The following NAV2 variants were observed in gnomAD, a reference collection of about 807,000 sequenced individuals.
NAV2 encodes helicase, APC down-regulated 1.
A neutral mutation model predicts 223.2 loss-of-function variants in NAV2; 54 were observed. The observed-to-expected ratio is 0.24, with a 90% CI of 0.19 to 0.30. NAV2 has a LOEUF of 0.30. Among genes scored for constraint, NAV2 ranks in the 10% least tolerant of loss-of-function variants. NAV2 has a pLI of 1.00. For synonymous variants in NAV2, 1,279 were observed against 1,239.3 expected (o/e 1.03, Z -0.67); for missense variants, 2,806 against 3,147.5 (o/e 0.89, Z 2.60).
At chr11:20,027,165 C>T in intron 11 of NAV2, 6 of 676,286 alleles carry the variant, frequency 8.9e-6, no homozygotes, top group Non-Finnish European at 9.1e-6. Flanking sequence ...GAGAAAACCT[C>T]CTGGGGAGGA....
intron 1 of NAV2, among the ~76,000 whole-genome samples, chr11:19,831,371 C>T (rs1162747292): frequency 1.3e-5 from 2 of 151,944 alleles, no homozygotes; most frequent in African/African-American, 2.4e-5. Context: ...AGCAGGCCTA[C>T]TGGTTGAGGT....
At chr11:19,563,874 G>A (rs1036289188) in intron 1 of NAV2, among the ~76,000 whole-genome samples, 19 of 152,162 alleles carry the variant, frequency 1.2e-4, no homozygotes, top group South Asian at 6.2e-4. Flanking sequence ...GTTAAGGGAG[G>A]TAAAGCAGGA....
intron 4 of NAV2, among the ~76,000 whole-genome samples, chr11:19,875,062 C>T (rs992248243): frequency 6.6e-6 from 1 of 152,182 alleles, no homozygotes; most frequent in African/African-American, 2.4e-5. Flanking sequence ...GAGGCTGACT[C>T]AGGAGAATCA....
At chr11:19,487,613 T>C (rs1014834290) in intron 1 of NAV2, among the ~76,000 whole-genome samples, 6 of 152,194 alleles carry the variant, frequency 3.9e-5, no homozygotes, top group African/African-American at 1.4e-4. Context: ...CATAGGTCCA[T>C]GTGGCAAGAA....
intron 1 of NAV2, among the ~76,000 whole-genome samples, chr11:19,687,712 G>A (rs544029703): frequency 6.6e-6 from 1 of 152,140 alleles, no homozygotes; most frequent in Non-Finnish European, 1.5e-5. Context: ...AATGGCTGCA[G>A]GTTCCAGAGA....
chr11:19,728,366 A>G (rs1266275402), intron 1 of NAV2, among the ~76,000 whole-genome samples: 2 of 152,178 alleles, frequency 1.3e-5, no homozygotes, highest in South Asian at 2.1e-4. Flanking sequence ...GATGTCTCCC[A>G]TAGATTCAGG....
rs778716534 is a variant in NAV2, at chr11:20,118,392, C to A, written c.*134C>A. The A allele has an allele frequency of 3.4e-5, 36 of 1,060,656 alleles. No individual in the cohort carries two copies. Among genetic ancestry groups the A allele is most frequent in the South Asian group, 4.5e-5 (3 of 67,036 alleles). 65.7% of individuals were successfully genotyped at this position (1,060,656 alleles called of 1,614,324 possible). A position where few individuals can be genotyped will look rare whatever the true frequency, so the allele number is the denominator to read the frequency against. On this transcript the variant is annotated 3_prime_UTR_variant, in exon 38 of 38. Coordinates refer to ENST00000349880, the MANE Select transcript of NAV2 (RefSeq NM_145117.5). ...GAGCTGCGGGAACACCGAGACCCCC[C>A]GTCCTTCAGCCTCGACCTGGGTGCA... is the stretch of plus-strand genomic sequence containing the variant.
At chr11:19,639,783 C>A (rs2047609825) in intron 1 of NAV2, among the ~76,000 whole-genome samples, 1 of 152,108 alleles carries the variant, frequency 6.6e-6, no homozygotes, top group Non-Finnish European at 1.5e-5. Context: ...TTGTGTGGAG[C>A]GTTCTCCCAC....
intron 1 of NAV2, among the ~76,000 whole-genome samples, chr11:19,357,118 A>T (rs191737493): frequency 1.5e-4 from 23 of 152,326 alleles, no homozygotes; most frequent in Admixed American, 5.2e-4. Context: ...GAAGGATGAA[A>T]TTTAATGCTA....
chr11:19,851,901 C>G (rs7101507), intron 3 of NAV2, among the ~76,000 whole-genome samples: 58,143 of 123,392 alleles, frequency 0.47, 13,555 homozygotes, highest in African/African-American at 0.7. Context: ...TCTTATAAGA[C>G]AGAGGCAGGA....
At chr11:19,691,590 C>T (rs1269138155) in intron 1 of NAV2, among the ~76,000 whole-genome samples, 20 of 152,102 alleles carry the variant, frequency 1.3e-4, no homozygotes, top group East Asian at 5.8e-4. Context: ...TTTTTGGAGA[C>T]GGAGTCTCGC....
At chr11:19,526,335 T>G (rs2043842150) in intron 1 of NAV2, among the ~76,000 whole-genome samples, 1 of 152,176 alleles carries the variant, frequency 6.6e-6, no homozygotes, top group Non-Finnish European at 1.5e-5. Flanking sequence ...CTTGCATAAC[T>G]TGAAGTCACA....
rs769221798 is a variant in NAV2 at position 19,984,176 on chromosome 11, C to G, written c.2697C>G (p.Leu899=). 67 of 1,614,158 alleles carry G rather than the reference C, an allele frequency of 4.2e-5. No homozygotes were observed. Among genetic ancestry groups the G allele is most frequent in the Middle Eastern group, 1.6e-4 (1 of 6,062 alleles). The part of the protein sequence containing the change: ...LGLYTRRLNR[L]PDGMAVVRET... ...TCTATACCCGTCGCCTGAACCGGCTCCCTGATGGGATGGCTGTGGTACGGG... is the reference window on the plus strand; with the variant it reads ...TCTATACCCGTCGCCTGAACCGGCTGCCTGATGGGATGGCTGTGGTACGGG... The change falls in exon 11 of 38, where the codon CTC becomes CTG. Residue 899 remains leucine, a synonymous_variant. Coordinates refer to ENST00000349880, the MANE Select transcript of NAV2 (RefSeq NM_145117.5).
rs1453728499 is a variant in NAV2 at position 19,563,590 on chromosome 11, T to G, written c.75+212563T>G. Among the ~76,000 whole-genome samples the G allele has an allele frequency of 3.3e-5, 5 of 152,230 alleles. No individual in the cohort carries two copies. The East Asian group carries it at 9.6e-4, about 29-fold the overall frequency. The stretch of plus-strand genomic sequence containing the variant: ...TCAGCTACACCAGAATTCACCAATG[T>G]GCTTGTTAAAATGCTGAGTCCTGGG... On this transcript the variant is annotated intron_variant, in intron 1 of 37. Transcript: ENST00000360655.
chr11:20,056,839 A>G (rs758357395), intron 19 of NAV2, among the ~76,000 whole-genome samples: 29 of 152,342 alleles, frequency 1.9e-4, no homozygotes, highest in Admixed American at 5.9e-4. Flanking sequence ...TGGATAAAAT[A>G]GGAGTAATAA....
At chr11:19,614,266 C>G (rs901329248) in intron 1 of NAV2, among the ~76,000 whole-genome samples, 6 of 152,178 alleles carry the variant, frequency 3.9e-5, no homozygotes, top group Non-Finnish European at 7.3e-5. Flanking sequence ...TGGCTGTGTT[C>G]TTCTCCACTC....
rs760967570 is a variant in NAV2 at position 20,103,414 on chromosome 11, AG to A, written c.6572+7del. 6.2e-7 allele frequency: 1 copy of A among 1,612,670 alleles called. No homozygotes were observed. Among genetic ancestry groups the A allele is most frequent in the South Asian group, 1.1e-5 (1 of 90,772 alleles). On this transcript the variant is annotated splice_donor_region_variant and intron_variant, in intron 33 of 37. Transcript: ENST00000349880. Reference sequence around the variant, plus strand: ...CAACTGCAAGTACCACAAATGGTAAAGGCTGGTTCTGGACCTCATAGCCCCC... The same window carrying A: ...CAACTGCAAGTACCACAAATGGTAAAGCTGGTTCTGGACCTCATAGCCCCC...
rs187702952 is a variant in NAV2 at position 19,635,197 on chromosome 11, C to T, written c.76-197287C>T. On this transcript the variant is annotated intron_variant, in intron 1 of 37. Transcript: ENST00000360655. ...GGAAGTGATATAAGATGTGGTTGTA[C>T]TGGTAGGCAAGACCAGAGTGTACAG... is the stretch of plus-strand genomic sequence containing the variant. Among the ~76,000 whole-genome samples, 4 of 152,298 alleles carry T rather than the reference C, an allele frequency of 2.6e-5. No individual in the cohort carries two copies. In the East Asian group the frequency reaches 7.7e-4, roughly 29 times the overall value.
intron 1 of NAV2, among the ~76,000 whole-genome samples, chr11:19,761,942 CT>C (rs1452209031): frequency 1.3e-5 from 2 of 152,112 alleles, no homozygotes; most frequent in African/African-American, 2.4e-5. Flanking sequence ...TAGTCAGAAT[CT>C]TGTAAAACCT....
Sources: allele counts gnomAD v4.1 joint callset (sites outside exome capture counted in the v4.1 genomes callset), GRCh38; gene constraint gnomAD v4.1.1; transcripts MANE v1.5; gene names NCBI Gene and HGNC (gene_info 2026-07-23, HGNC 2026-07-21).